Variants in AHCYL2 observed in about 807,000 individuals in gnomAD.
AHCYL2 encodes the protein S-adenosylhomocysteine hydrolase-like protein 2.
In AHCYL2, 28 loss-of-function variants were observed where a neutral mutation model predicts 81.4. The observed-to-expected ratio is 0.34, with a 90% confidence interval of 0.25 to 0.47. The LOEUF (loss-of-function observed/expected upper bound fraction) is 0.47, where lower values mean the gene tolerates loss of function less well. AHCYL2 is among the 20% of genes least tolerant of loss of function. The probability of loss-of-function intolerance (pLI) is 1.00; values close to 1 mark genes in which losing one functional copy is unlikely to be tolerated. For missense variants in AHCYL2, 551 were observed against 785.1 expected (o/e 0.70, Z 3.56); for synonymous variants, 272 against 290.2 (o/e 0.94, Z 0.64).
In AHCYL2 at chr7:129,416,961, T is replaced by TA. The variant is rs1348235074; in HGVS notation, c.1461+3280dup. On this transcript the variant is annotated intron_variant, in intron 12 of 16. Coordinates refer to ENST00000325006, the MANE Select transcript of AHCYL2 (RefSeq NM_015328.4). ...AGTGAGACCTCATCTCTACAAAAAA[T>TA]AAAAAAACAAAACAAAATTAGTTGG... Among the ~76,000 whole-genome samples, 8 of 151,556 alleles carry TA rather than the reference T, an allele frequency of 5.3e-5. No homozygotes were observed. In the East Asian group the frequency reaches 1.2e-3, roughly 22 times the overall value.
chr7:129,347,783 A>G (rs1793414340), intron 1 of AHCYL2, among the ~76,000 whole-genome samples: 2 of 152,190 alleles, frequency 1.3e-5, no homozygotes, highest in African/African-American at 2.4e-5. Context: ...TGCAACCCCC[A>G]CAATTAAAAG....
intron 1 of AHCYL2, among the ~76,000 whole-genome samples, chr7:129,248,325 C>G (rs1224788296): frequency 6.6e-6 from 1 of 152,154 alleles, no homozygotes; most frequent in Non-Finnish European, 1.5e-5. Flanking sequence ...TCCTGGGATG[C>G]TCGAGTCCCT....
chr7:129,406,479 G>A lies in AHCYL2; in HGVS notation c.1295+13G>A, dbSNP rs539442483. The A allele has an allele frequency of 1.4e-5, 23 of 1,611,936 alleles. No homozygotes were observed. The highest frequency in any genetic ancestry group is 9.9e-5 in the South Asian group (9 of 91,004). On this transcript the variant is annotated intron_variant, in intron 10 of 16. Coordinates refer to ENST00000325006, the MANE Select transcript of AHCYL2 (RefSeq NM_015328.4). The surrounding 1 kb of genome is among the most constrained non-coding windows in gnomAD (Gnocchi z 4.3). ...CCCTGCAAGCCTGGTAAGCCTCTACGCTACCATCTCACTTGCAATCTCGGA... is the reference window on the plus strand; with the variant it reads ...CCCTGCAAGCCTGGTAAGCCTCTACACTACCATCTCACTTGCAATCTCGGA...
intron 1 of AHCYL2, among the ~76,000 whole-genome samples, chr7:129,241,793 G>A (rs1342718358): frequency 6.6e-6 from 1 of 151,978 alleles, no homozygotes; most frequent in African/African-American, 2.4e-5. Flanking sequence ...CAAGGTGGGA[G>A]GATCAGTTGA....
At chr7:129,357,237 C>T (rs1793764312) in intron 1 of AHCYL2, among the ~76,000 whole-genome samples, 2 of 152,126 alleles carry the variant, frequency 1.3e-5, no homozygotes, top group South Asian at 2.1e-4. Flanking sequence ...TGGTGAAATC[C>T]AACTAAAGCC....
intron 1 of AHCYL2, among the ~76,000 whole-genome samples, chr7:129,234,925 T>C (rs991450195): frequency 1.3e-5 from 2 of 152,244 alleles, no homozygotes; most frequent in African/African-American, 4.8e-5. Flanking sequence ...ATATTTTCTG[T>C]TGCTGTCATG....
At chr7:129,365,893 C>A (rs1488822630) in intron 1 of AHCYL2, among the ~76,000 whole-genome samples, 1 of 150,750 alleles carries the variant, frequency 6.6e-6, no homozygotes, top group Non-Finnish European at 1.5e-5. Context: ...TGGAGGGGGG[C>A]GGGAAAGGAA....
At chr7:129,350,724 T>C (rs1189917826) in intron 1 of AHCYL2, among the ~76,000 whole-genome samples, 1 of 150,340 alleles carries the variant, frequency 6.7e-6, no homozygotes, top group Non-Finnish European at 1.5e-5. Flanking sequence ...CTTTTTTTTT[T>C]TTTTTTTATC....
intron 6 of AHCYL2, among the ~76,000 whole-genome samples, chr7:129,402,938 T>G (rs1796104409): frequency 1.3e-5 from 2 of 152,168 alleles, no homozygotes; most frequent in Admixed American, 6.5e-5. Context: ...TTATTTTTCT[T>G]TTTTTTCTCA....
chr7:129,372,463 G>A (rs746378169), intron 1 of AHCYL2, among the ~76,000 whole-genome samples: 1 of 152,036 alleles, frequency 6.6e-6, no homozygotes, highest in Non-Finnish European at 1.5e-5. Flanking sequence ...CTTAAGTTAC[G>A]GAAAGCAGAA....
intron 1 of AHCYL2, among the ~76,000 whole-genome samples, chr7:129,298,947 A>G (rs1797147883): frequency 6.6e-6 from 1 of 152,162 alleles, no homozygotes; most frequent in Non-Finnish European, 1.5e-5. Flanking sequence ...TAGGCTTTGC[A>G]GGCTATATGT....
intron 11 of AHCYL2, 126 bp downstream of exon 11, chr7:129,409,672 C>T (rs1279506384): frequency 5.6e-6 from 4 of 711,514 alleles, no homozygotes; most frequent in Non-Finnish European, 9.3e-6. Context: ...GCCCACAAAG[C>T]CAGCCAGTCT....
chr7:129,288,261 CCT>C (rs1159564660), intron 1 of AHCYL2, among the ~76,000 whole-genome samples: 1 of 151,614 alleles, frequency 6.6e-6, no homozygotes, highest in East Asian at 1.9e-4. Context: ...GCAGAATTTC[CCT>C]GAGTCTGAAT....
chr7:129,365,622 G>T (rs188302379), intron 1 of AHCYL2, among the ~76,000 whole-genome samples: 10 of 87,388 alleles, frequency 1.1e-4, no homozygotes, highest in Non-Finnish European at 1.6e-4. Flanking sequence ...TTACCTGGAG[G>T]ATAGAGTATA....
chr7:129,318,912 AC>A (rs2150785083), intron 1 of AHCYL2, among the ~76,000 whole-genome samples: 1 of 152,012 alleles, frequency 6.6e-6, no homozygotes, highest in South Asian at 2.1e-4. Flanking sequence ...AGTAAATTCG[AC>A]TATATAATTT....
chr7:129,357,598 C>T (rs980544996), intron 1 of AHCYL2, among the ~76,000 whole-genome samples: 3 of 152,106 alleles, frequency 2.0e-5, no homozygotes, highest in Non-Finnish European at 2.9e-5. Context: ...TTGAAAGACT[C>T]TTCACATAAG....
intron 1 of AHCYL2, among the ~76,000 whole-genome samples, chr7:129,331,564 C>T (rs570896130): frequency 5.3e-5 from 8 of 152,226 alleles, no homozygotes; most frequent in Admixed American, 2.0e-4. Context: ...TAATCCTGGC[C>T]GGGCGCAGTG....
chr7:129,228,531 C>T (rs1794307131), intron 1 of AHCYL2, among the ~76,000 whole-genome samples: 1 of 152,076 alleles, frequency 6.6e-6, no homozygotes, highest in African/African-American at 2.4e-5. Context: ...ACCCAGCAAG[C>T]CAAAAATCTC....
intron 1 of AHCYL2, among the ~76,000 whole-genome samples, chr7:129,330,631 C>T (rs981112747): frequency 2.6e-5 from 4 of 152,098 alleles, no homozygotes; most frequent in East Asian, 1.9e-4. Context: ...CCACCACGCC[C>T]GGCTAATTTT....
Sources: gnomAD v4.1 joint callset for allele counts (sites outside exome capture counted in the v4.1 genomes callset) on GRCh38, gnomAD v4.1.1 for gene constraint, Gnocchi (gnomAD v3.1) non-coding constraint, MANE v1.5 for transcripts, NCBI Gene and HGNC (gene_info 2026-07-23, HGNC 2026-07-21) for gene names.